LUZP2: variants seen among roughly 807,000 people sequenced by gnomAD.
The protein encoded by LUZP2 is leucine zipper protein 2.
LUZP2 carries 52 observed loss-of-function variants against 51.6 expected under a neutral mutation model. That is an observed-to-expected ratio of 1.01 (90% CI 0.81 to 1.27). The LOEUF is 1.27. Among genes scored for constraint, LUZP2 ranks in the 50% most tolerant of loss-of-function variants. The probability of loss-of-function intolerance (pLI) is 0.00; values close to 1 mark genes in which losing one functional copy is unlikely to be tolerated. For synonymous variants in LUZP2, 154 were observed against 137.3 expected, an observed-to-expected ratio of 1.12 and a Z score of -0.85; for missense variants, 436 against 395.4, an observed-to-expected ratio of 1.10 and a Z score of -0.87.
chr11:24,718,653 A>T (rs1858148065), intron 1 of LUZP2, among the ~76,000 whole-genome samples: 1 of 152,160 alleles, frequency 6.6e-6, no homozygotes, highest in Non-Finnish European at 1.5e-5. Flanking sequence ...ATCAAACAAC[A>T]TTTTTTCAGT....
At chr11:25,016,299 T>C (rs957618497) in intron 9 of LUZP2, among the ~76,000 whole-genome samples, 7 of 152,044 alleles carry the variant, frequency 4.6e-5, no homozygotes, top group African/African-American at 1.2e-4. Flanking sequence ...TCCCTCACCC[T>C]TCTTCCAACC....
rs181194294 is a variant in LUZP2 at position 25,073,387 on chromosome 11, T to G, written c.859-3942T>G. ...TCATATTATAAAACAAAGGAAACTTTGGTTTTCTTCTCCCTGTGTGGAGGA... is the reference window on the plus strand; with the variant it reads ...TCATATTATAAAACAAAGGAAACTTGGGTTTTCTTCTCCCTGTGTGGAGGA... On this transcript the variant is annotated intron_variant, in intron 10 of 11. Coordinates refer to ENST00000336930, the MANE Select transcript of LUZP2 (RefSeq NM_001009909.4). Among the ~76,000 whole-genome samples, 58 of 152,254 alleles carry G rather than the reference T, an allele frequency of 3.8e-4. 1 individual carries two copies. In the East Asian group the frequency reaches 9.8e-3, roughly 26 times the overall value.
chr11:24,621,977 C>T (rs1195787640), intron 1 of LUZP2, among the ~76,000 whole-genome samples: 1 of 151,374 alleles, frequency 6.6e-6, no homozygotes. Flanking sequence ...AAAAAATACA[C>T]GGTATCACTC....
chr11:24,579,612 A>C (rs1266335635), intron 1 of LUZP2, among the ~76,000 whole-genome samples: 1 of 152,206 alleles, frequency 6.6e-6, no homozygotes, highest in Middle Eastern at 3.4e-3. Flanking sequence ...GAAATAAAAT[A>C]ATTCTGTGAT....
At position 24,569,295 on chromosome 11, in the gene LUZP2, A is replaced by AT. The variant is rs1425464615; in HGVS notation, c.62+71994dup. Among the ~76,000 whole-genome samples the AT allele has an allele frequency of 2.6e-5, 4 of 152,036 alleles. No individual in the cohort carries two copies. In the East Asian group the frequency reaches 7.7e-4, roughly 29 times the overall value. ...AGCAAAAATTAATTCAGCATATAGT[A>AT]TTTTCAAGCAGGAACTCAAAATAAA... On this transcript the variant is annotated intron_variant, in intron 1 of 11. Coordinates refer to ENST00000336930, the MANE Select transcript of LUZP2 (RefSeq NM_001009909.4).
chr11:24,817,859 T>A (rs967989529), intron 5 of LUZP2, among the ~76,000 whole-genome samples: 3 of 152,086 alleles, frequency 2.0e-5, no homozygotes, highest in Admixed American at 1.3e-4. Flanking sequence ...GGGTAGCCTG[T>A]CATACACTGT....
intron 9 of LUZP2, among the ~76,000 whole-genome samples, chr11:25,004,465 G>A (rs1162971097): frequency 6.6e-6 from 1 of 152,066 alleles, no homozygotes; most frequent in Non-Finnish European, 1.5e-5. Flanking sequence ...GAACACTGTG[G>A]TTGCCAGGTT....
intron 1 of LUZP2, among the ~76,000 whole-genome samples, chr11:24,605,977 T>C (rs994754841): frequency 1.3e-5 from 2 of 151,904 alleles, no homozygotes; most frequent in Non-Finnish European, 2.9e-5. Flanking sequence ...ATGTCTGACT[T>C]ATCCCACTTA....
intron 1 of LUZP2, among the ~76,000 whole-genome samples, chr11:24,623,880 T>C (rs1854589347): frequency 6.6e-6 from 1 of 152,148 alleles, no homozygotes; most frequent in Admixed American, 6.5e-5. Flanking sequence ...CACTATTTAA[T>C]GTTCAATAAC....
At chr11:24,957,999 A>G (rs1342338983) in intron 7 of LUZP2, among the ~76,000 whole-genome samples, 5 of 151,516 alleles carry the variant, frequency 3.3e-5, no homozygotes, top group East Asian at 3.9e-4. Flanking sequence ...AGAATATGCG[A>G]TGTTTGGTTT....
intron 1 of LUZP2, among the ~76,000 whole-genome samples, chr11:24,596,527 T>C (rs943297040): frequency 2.0e-5 from 3 of 152,166 alleles, no homozygotes; most frequent in Admixed American, 2.0e-4. Context: ...TAGGCAAATA[T>C]ACTGTTTATT....
Position 24,540,463 on chromosome 11 carries a change from C to T in LUZP2, c.62+43158C>T, listed in dbSNP as rs76241896. On this transcript the variant is annotated intron_variant, in intron 1 of 11. Coordinates refer to ENST00000336930, the MANE Select transcript of LUZP2 (RefSeq NM_001009909.4). ...TTGCTCTCTCTCTGTCTGTCATGTGCGGATGCAGCAAGAACCAAGACTAAG... is the reference window on the plus strand; with the variant it reads ...TTGCTCTCTCTCTGTCTGTCATGTGTGGATGCAGCAAGAACCAAGACTAAG... Among the ~76,000 whole-genome samples, 1,124 of 152,096 alleles carry T rather than the reference C, an allele frequency of 7.4e-3. 4 individuals are homozygous for T. Among genetic ancestry groups the T allele is most frequent in the Non-Finnish European group, 0.013 (861 of 67,972 alleles).
At position 24,519,181 on chromosome 11, in the gene LUZP2, A is replaced by G. The variant is rs548816348; in HGVS notation, c.62+21876A>G. Reference sequence around the variant, plus strand: ...GTTTCATTACTCAGTTTGCTCTCACAGTCATACCATCCTCTTTATATTTTG... The same window carrying G: ...GTTTCATTACTCAGTTTGCTCTCACGGTCATACCATCCTCTTTATATTTTG... On this transcript the variant is annotated intron_variant, in intron 1 of 11. Transcript: ENST00000336930. Among the ~76,000 whole-genome samples, 3 of 152,278 alleles carry G rather than the reference A, an allele frequency of 2.0e-5. No homozygotes were observed. In the South Asian group the frequency reaches 6.2e-4, roughly 32 times the overall value.
At chr11:24,711,286 T>C (rs1342504483) in intron 1 of LUZP2, among the ~76,000 whole-genome samples, 4 of 151,626 alleles carry the variant, frequency 2.6e-5, no homozygotes, top group African/African-American at 7.3e-5. Flanking sequence ...CCGTCTCTAC[T>C]AAAAATACAA....
chr11:24,643,474 G>T (rs141328126), intron 1 of LUZP2, among the ~76,000 whole-genome samples: 6 of 151,904 alleles, frequency 3.9e-5, no homozygotes, highest in Admixed American at 3.3e-4. Context: ...ACAAAATAAG[G>T]CTACTTACCC....
chr11:24,870,145 A>G (rs73442329), intron 5 of LUZP2, among the ~76,000 whole-genome samples: 4,637 of 152,246 alleles, frequency 0.03, 224 homozygotes, highest in African/African-American at 0.11. Flanking sequence ...GTAAAGGCTG[A>G]GAAAGATAAT....
intron 9 of LUZP2, among the ~76,000 whole-genome samples, chr11:24,986,155 T>G (rs1856181940): frequency 1.3e-5 from 2 of 151,726 alleles, no homozygotes; most frequent in Non-Finnish European, 2.9e-5. Flanking sequence ...AATACTCCAG[T>G]GGTCTGTTGG....
chr11:24,777,600 C>T (rs1003610838), intron 5 of LUZP2, among the ~76,000 whole-genome samples: 1 of 152,054 alleles, frequency 6.6e-6, no homozygotes, highest in African/African-American at 2.4e-5. Context: ...TTGTACTAAT[C>T]TCAAGTATAA....
rs559859564 is a variant in LUZP2, at chr11:25,036,531, T to C, written c.766-13507T>C. 8.6e-5 allele frequency among the ~76,000 whole-genome samples: 13 copies of C among 151,586 alleles called. No individual in the cohort carries two copies. In the East Asian group the frequency reaches 2.5e-3, roughly 29 times the overall value. On this transcript the variant is annotated intron_variant, in intron 9 of 11. Coordinates refer to ENST00000336930, the MANE Select transcript of LUZP2 (RefSeq NM_001009909.4). ...GCTAGCTTTGGGGTTAGTTTGTTCT[T>C]TTTTTTTGTAATTCCTTTAGGTGCA... is the stretch of plus-strand genomic sequence containing the variant.
Sources: gnomAD v4.1 joint callset for allele counts (sites outside exome capture counted in the v4.1 genomes callset) on GRCh38, gnomAD v4.1.1 for gene constraint, MANE v1.5 for transcripts, NCBI Gene and HGNC (gene_info 2026-07-23, HGNC 2026-07-21) for gene names.